Variants in PRKN observed in about 807,000 individuals in gnomAD.
PRKN encodes the protein parkin RBR E3 ubiquitin protein ligase, also known as E3 ubiquitin-protein ligase parkin.
In PRKN, 56 loss-of-function variants were observed where a neutral mutation model predicts 59.5. The observed-to-expected ratio is 0.94, with a 90% CI of 0.76 to 1.18. The LOEUF (loss-of-function observed/expected upper bound fraction) is 1.18. Among genes scored for constraint, PRKN ranks in the 50% most tolerant of loss-of-function variants. The pLI is 0.00. For missense variants in PRKN, 657 were observed against 596.4 expected (o/e 1.10, Z -1.06); for synonymous variants, 250 against 222.1 (o/e 1.13, Z -1.12).
chr6:161,456,252 T>C lies in PRKN; in HGVS notation c.1084-69375A>G, dbSNP rs1274208114. On this transcript the variant is annotated intron_variant, in intron 9 of 11. Coordinates refer to ENST00000366898, the MANE Select transcript of PRKN (RefSeq NM_004562.3). The surrounding 1 kb of genome is among the most constrained non-coding windows in gnomAD (Gnocchi z 4.8). ...GAATCGGCTGCCAGTGCAGCTAAGA[T>C]AAAAGCAGGCAGAAGGGTGTGGAAG... 6.6e-6 allele frequency among the ~76,000 whole-genome samples: 1 copy of C among 152,194 alleles called. No homozygotes were observed. The highest frequency in any genetic ancestry group is 2.1e-4 in the South Asian group (1 of 4,830).
At chr6:161,800,864 C>G (rs540963319) in intron 6 of PRKN, among the ~76,000 whole-genome samples, 26 of 152,286 alleles carry the variant, frequency 1.7e-4, no homozygotes, top group African/African-American at 6.0e-4. Context: ...TGCCATGTTT[C>G]CTGCTAAGTG....
intron 1 of PRKN, among the ~76,000 whole-genome samples, chr6:162,444,311 T>C (rs1294116632): frequency 6.6e-6 from 1 of 152,076 alleles, no homozygotes; most frequent in Non-Finnish European, 1.5e-5. Context: ...AGGCCCTACA[T>C]AGTTCTGCAA....
chr6:162,615,210 G>A (rs1019721160), intron 1 of PRKN, among the ~76,000 whole-genome samples: 5 of 152,028 alleles, frequency 3.3e-5, no homozygotes, highest in African/African-American at 7.2e-5. Flanking sequence ...AGAAAATTAC[G>A]CAACCTAAGC....
intron 9 of PRKN, among the ~76,000 whole-genome samples, chr6:161,438,762 T>C (rs1789049002): frequency 1.3e-5 from 2 of 152,172 alleles, no homozygotes; most frequent in South Asian, 2.1e-4. Context: ...ATTCGGGTGA[T>C]CATCCCGCAT....
intron 6 of PRKN, among the ~76,000 whole-genome samples, chr6:161,874,685 C>T (rs1244428606): frequency 1.0e-5 from 1 of 95,984 alleles, no homozygotes; most frequent in African/African-American, 4.3e-5. Context: ...ATAAAATGTA[C>T]AATATATATA....
At chr6:162,229,283 G>T (rs1344711853) in intron 3 of PRKN, among the ~76,000 whole-genome samples, 1 of 152,044 alleles carries the variant, frequency 6.6e-6, no homozygotes, top group Non-Finnish European at 1.5e-5. Flanking sequence ...AAGTAACTGT[G>T]ATTCATCCTT....
chr6:161,868,003 C>T (rs1006237634), intron 6 of PRKN, among the ~76,000 whole-genome samples: 1 of 151,708 alleles, frequency 6.6e-6, no homozygotes, highest in Non-Finnish European at 1.5e-5. Flanking sequence ...TCAGGTGATC[C>T]ACCACCCTCG....
At chr6:162,177,646 C>T (rs994512344) in intron 4 of PRKN, among the ~76,000 whole-genome samples, 2 of 150,070 alleles carry the variant, frequency 1.3e-5, no homozygotes, top group Non-Finnish European at 3.0e-5. Context: ...TATAATTAAG[C>T]GAAAAAAAAA....
chr6:162,100,337 T>C (rs770799926), intron 4 of PRKN, among the ~76,000 whole-genome samples: 7 of 152,168 alleles, frequency 4.6e-5, no homozygotes, highest in Non-Finnish European at 8.8e-5. Flanking sequence ...TTTTAACTTT[T>C]GAGCTGTTTT....
Position 161,921,764 on chromosome 6 carries a change from G to GA in PRKN, c.734+51537dup, listed in dbSNP as rs573780829. ...GTGTAGCCTGTAGCTATAGGATGGT[G>GA]AAGTTCACTAACTTGCCAGCCAGTC... On this transcript the variant is annotated intron_variant, in intron 6 of 11. Transcript: ENST00000366898. Among the ~76,000 whole-genome samples, 5 of 152,302 alleles carry GA rather than the reference G, an allele frequency of 3.3e-5. No homozygotes were observed. In the South Asian group the frequency reaches 6.2e-4, roughly 19 times the overall value.
chr6:161,831,934 C>T (rs919458373), intron 6 of PRKN, among the ~76,000 whole-genome samples: 1 of 152,186 alleles, frequency 6.6e-6, no homozygotes, highest in African/African-American at 2.4e-5. Context: ...GACTGGGGAG[C>T]CACAAGGGCC....
intron 6 of PRKN, among the ~76,000 whole-genome samples, chr6:161,854,911 T>C (rs144667988): frequency 0.021 from 3,205 of 151,748 alleles, 58 homozygotes; most frequent in Middle Eastern, 0.055. Flanking sequence ...AGTGAAACAC[T>C]GTCTCTACCA....
intron 6 of PRKN, among the ~76,000 whole-genome samples, chr6:161,858,335 T>C (rs962558813): frequency 9.2e-5 from 14 of 152,268 alleles, no homozygotes; most frequent in East Asian, 3.9e-4. Flanking sequence ...AGAATAGAAA[T>C]AGGATTCCTC....
At chr6:162,068,036 G>A (rs1389581085) in intron 4 of PRKN, among the ~76,000 whole-genome samples, 6 of 152,226 alleles carry the variant, frequency 3.9e-5, no homozygotes, top group South Asian at 2.1e-4. Context: ...ATGTCAGGAT[G>A]GTGGACATTT....
At chr6:161,833,098 G>T (rs1792579003) in intron 6 of PRKN, among the ~76,000 whole-genome samples, 1 of 152,142 alleles carries the variant, frequency 6.6e-6, no homozygotes, top group Non-Finnish European at 1.5e-5. Flanking sequence ...CGTCTACTGT[G>T]TGCTATGGAA....
intron 9 of PRKN, among the ~76,000 whole-genome samples, chr6:161,477,402 A>G (rs1343674042): frequency 6.6e-6 from 1 of 151,590 alleles, no homozygotes; most frequent in African/African-American, 2.4e-5. Context: ...CTATAATCCC[A>G]GCTACTCGGA....
intron 1 of PRKN, among the ~76,000 whole-genome samples, chr6:162,477,593 CAGGTGT>C (rs958934460): frequency 6.6e-6 from 1 of 152,164 alleles, no homozygotes; most frequent in African/African-American, 2.4e-5. Context: ...GCAAAGTCTT[CAGGTGT>C]TCACAGTCCT....
chr6:162,383,663 A>C (rs1166448018), intron 2 of PRKN, among the ~76,000 whole-genome samples: 1 of 152,208 alleles, frequency 6.6e-6, no homozygotes, highest in Non-Finnish European at 1.5e-5. Context: ...TTTGCCCTTC[A>C]CAAAAGGGCA....
chr6:162,630,770 G>C (rs1472512276), intron 1 of PRKN, among the ~76,000 whole-genome samples: 1 of 152,016 alleles, frequency 6.6e-6, no homozygotes. Flanking sequence ...TCAATACATT[G>C]TAAGCATGAT....
Sources: allele counts gnomAD v4.1 joint callset (sites outside exome capture counted in the v4.1 genomes callset), GRCh38; gene constraint gnomAD v4.1.1; non-coding constraint Gnocchi (gnomAD v3.1); transcripts MANE v1.5; gene names NCBI Gene and HGNC (gene_info 2026-07-23, HGNC 2026-07-21).